Variants in PPARGC1A observed in about 807,000 individuals in gnomAD.
PPARGC1A encodes the protein PPARG coactivator 1 alpha.
A neutral mutation model predicts 88.7 loss-of-function variants in PPARGC1A; 25 were observed. The observed-to-expected ratio is 0.28, with a 90% CI of 0.21 to 0.39. PPARGC1A has a LOEUF of 0.39. PPARGC1A is among the 10% of genes least tolerant of loss of function. The pLI, the probability that PPARGC1A is intolerant of heterozygous loss-of-function variation, is 1.00. For synonymous variants in PPARGC1A, 363 were observed against 355.6 expected (o/e 1.02, Z -0.24); for missense variants, 880 against 968.7 (o/e 0.91, Z 1.22).
intron 2 of PPARGC1A, among the ~76,000 whole-genome samples, chr4:23,845,977 A>G (rs534881753): frequency 6.6e-6 from 1 of 152,290 alleles, no homozygotes; most frequent in South Asian, 2.1e-4. Context: ...ACTTATATGC[A>G]TATCTGGAGA....
the PPARGC1A span, among the ~76,000 whole-genome samples, chr4:24,177,929 C>T: frequency 1.3e-5 from 2 of 152,160 alleles, no homozygotes; most frequent in African/African-American, 4.8e-5. Flanking sequence ...TCTGGGAAAT[C>T]ATCTTCAATT....
At chr4:24,470,279 C>CAG in the PPARGC1A span, among the ~76,000 whole-genome samples, 2 of 85,494 alleles carry the variant, frequency 2.3e-5, no homozygotes, top group South Asian at 3.8e-4. The surrounding 1 kb of genome is among the most constrained non-coding windows in gnomAD (Gnocchi z 5.8). Context: ...CAGACACAGA[C>CAG]ACACACACAC....
chr4:23,824,232 C>A (rs1560378821), intron 7 of PPARGC1A, 48 bp downstream of exon 7: 2 of 1,452,804 alleles, frequency 1.4e-6, no homozygotes, highest in East Asian at 4.5e-5. Flanking sequence ...CACACACACA[C>A]ATATACAGAC....
chr4:23,973,996 A>G, the PPARGC1A span, among the ~76,000 whole-genome samples: 3 of 152,136 alleles, frequency 2.0e-5, no homozygotes, highest in Admixed American at 1.3e-4. Context: ...TGAATAAAAG[A>G]TTTTTCCAGC....
upstream of PPARGC1A, among the ~76,000 whole-genome samples, chr4:23,908,766 G>T (rs965219408): frequency 6.6e-6 from 1 of 152,102 alleles, no homozygotes; most frequent in Non-Finnish European, 1.5e-5. Context: ...CTCCACTGGG[G>T]TCCAATAACT....
At chr4:23,847,049 C>G (rs1198875009) in intron 2 of PPARGC1A, among the ~76,000 whole-genome samples, 2 of 152,100 alleles carry the variant, frequency 1.3e-5, no homozygotes, top group Non-Finnish European at 2.9e-5. Flanking sequence ...TATGCTTGCC[C>G]CTTCCCTACA....
At chr4:24,343,201 C>G in the PPARGC1A span, among the ~76,000 whole-genome samples, 1 of 152,296 alleles carries the variant, frequency 6.6e-6, no homozygotes, top group Non-Finnish European at 1.5e-5. Flanking sequence ...ACGTTAGTGT[C>G]AATGACATGG....
At chr4:24,340,940 A>G in the PPARGC1A span, among the ~76,000 whole-genome samples, 2 of 152,282 alleles carry the variant, frequency 1.3e-5, no homozygotes, top group East Asian at 3.9e-4. Flanking sequence ...TCTGAAAGTC[A>G]TCTCCAGAGA....
chr4:24,170,542 T>G, the PPARGC1A span, among the ~76,000 whole-genome samples: 1 of 152,210 alleles, frequency 6.6e-6, no homozygotes, highest in Non-Finnish European at 1.5e-5. Flanking sequence ...AATGAAAGGT[T>G]GTGCTGAGCT....
At chr4:23,848,126 C>A (rs764069656) in intron 2 of PPARGC1A, among the ~76,000 whole-genome samples, 1 of 152,082 alleles carries the variant, frequency 6.6e-6, no homozygotes, top group Admixed American at 6.5e-5. Context: ...TAAAAAATAG[C>A]ATGATCATTA....
At chr4:24,458,431 G>A in the PPARGC1A span, among the ~76,000 whole-genome samples, 1 of 152,226 alleles carries the variant, frequency 6.6e-6, no homozygotes, top group Admixed American at 6.5e-5. Flanking sequence ...AGCCCAGGAG[G>A]CAGAGGTTGC....
intron 10 of PPARGC1A, among the ~76,000 whole-genome samples, 170 bp downstream of exon 10, chr4:23,812,577 T>G (rs2109446452): frequency 6.6e-6 from 1 of 152,284 alleles, no homozygotes; most frequent in South Asian, 2.1e-4. Context: ...TCCAATAAGT[T>G]AGGTCAATGG....
At chr4:24,184,400 T>C in the PPARGC1A span, among the ~76,000 whole-genome samples, 1 of 152,184 alleles carries the variant, frequency 6.6e-6, no homozygotes, top group East Asian at 1.9e-4. Flanking sequence ...CTGAAACTAA[T>C]ATTGAAGAGA....
the PPARGC1A span, among the ~76,000 whole-genome samples, chr4:24,270,633 G>A: frequency 2.0e-5 from 3 of 152,022 alleles, no homozygotes; most frequent in Admixed American, 6.6e-5. Context: ...ACCTGGTCAG[G>A]AAAAAGGAAA....
chr4:24,002,097 C>CACACACACACACAGAGAG, the PPARGC1A span, among the ~76,000 whole-genome samples: 2 of 125,382 alleles, frequency 1.6e-5, no homozygotes, highest in African/African-American at 6.5e-5. Flanking sequence ...CACACACACA[C>CACACACACACACAGAGAG]AGAGAGAGAG....
At chr4:23,878,388 G>C (rs985711815) in intron 2 of PPARGC1A, among the ~76,000 whole-genome samples, 50 of 149,412 alleles carry the variant, frequency 3.3e-4, no homozygotes, top group Admixed American at 1.0e-3. Context: ...ATCTCTCCTA[G>C]CCACACCTTC....
At chr4:24,377,015 G>C in the PPARGC1A span, among the ~76,000 whole-genome samples, 2 of 152,050 alleles carry the variant, frequency 1.3e-5, no homozygotes, top group Non-Finnish European at 2.9e-5. Flanking sequence ...GAGGGCACCA[G>C]TTACTGAACT....
the PPARGC1A span, among the ~76,000 whole-genome samples, chr4:24,080,898 T>A: frequency 2.0e-5 from 3 of 151,930 alleles, no homozygotes; most frequent in Non-Finnish European, 4.4e-5. Flanking sequence ...TTGATAGGAG[T>A]TTTGAAGGAG....
chr4:24,281,995 G>T, the PPARGC1A span, among the ~76,000 whole-genome samples: 3 of 152,132 alleles, frequency 2.0e-5, no homozygotes, highest in Admixed American at 2.0e-4. Context: ...TTCTAACACA[G>T]ATCTTCTGAT....
Sources: gnomAD v4.1 joint callset for allele counts (sites outside exome capture counted in the v4.1 genomes callset) on GRCh38, gnomAD v4.1.1 for gene constraint, Gnocchi (gnomAD v3.1) non-coding constraint, MANE v1.5 for transcripts, NCBI Gene and HGNC (gene_info 2026-07-23, HGNC 2026-07-21) for gene names.